The following CELF4 variants were observed in gnomAD, a reference collection of about 807,000 sequenced individuals.
CELF4 encodes CUGBP Elav-like family member 4.
Under a neutral mutation model 59.9 loss-of-function variants are expected in CELF4, and 18 were observed. The observed-to-expected ratio is 0.30, with a 90% CI of 0.21 to 0.45. CELF4 has a LOEUF of 0.45. Ranked by LOEUF, CELF4 falls within the 20% of genes least tolerant of loss-of-function variation. The pLI, the probability that CELF4 is intolerant of heterozygous loss-of-function variation, is 1.00. For synonymous variants in CELF4, 261 were observed against 267.1 expected (o/e 0.98, Z 0.22); for missense variants, 456 against 689.0 (o/e 0.66, Z 3.79).
At chr18:37,551,879 C>G (rs977111173) in intron 1 of CELF4, among the ~76,000 whole-genome samples, 1 of 152,102 alleles carries the variant, frequency 6.6e-6, no homozygotes, top group Admixed American at 6.5e-5. Flanking sequence ...GCCAGGCTGG[C>G]GGCAGGTCCA....
chr18:37,403,709 C>T (rs762096456), intron 2 of CELF4, among the ~76,000 whole-genome samples: 13 of 152,146 alleles, frequency 8.5e-5, no homozygotes, highest in African/African-American at 2.7e-4. Flanking sequence ...TGCAGAAGGG[C>T]GGCCCTAGGC....
At chr18:37,284,019 C>CCA (rs2094480658) in intron 3 of CELF4, among the ~76,000 whole-genome samples, 4 of 2,094 alleles carry the variant, frequency 1.9e-3, no homozygotes, top group African/African-American at 5.2e-3. Context: ...TCAACATGCA[C>CCA]ACACACCCAA....
intron 2 of CELF4, among the ~76,000 whole-genome samples, chr18:37,367,204 G>C (rs1037818976): frequency 6.6e-6 from 1 of 152,172 alleles, no homozygotes; most frequent in Non-Finnish European, 1.5e-5. Context: ...TGGTGATGGT[G>C]GTGGTGGCTA....
intron 2 of CELF4, among the ~76,000 whole-genome samples, chr18:37,391,491 C>A (rs1408635494): frequency 6.6e-6 from 1 of 152,198 alleles, no homozygotes; most frequent in Non-Finnish European, 1.5e-5. Flanking sequence ...TGTGGTCGAA[C>A]AGTCTTTGTG....
chr18:37,449,275 C>T (rs1415218062), intron 2 of CELF4, among the ~76,000 whole-genome samples: 1 of 152,108 alleles, frequency 6.6e-6, no homozygotes, highest in Non-Finnish European at 1.5e-5. Flanking sequence ...GATGGGGAAG[C>T]ATGGGTTGCC....
intron 2 of CELF4, among the ~76,000 whole-genome samples, chr18:37,434,687 C>A (rs1162097063): frequency 6.6e-6 from 1 of 152,158 alleles, no homozygotes; most frequent in African/African-American, 2.4e-5. Flanking sequence ...ACAGCAGCCA[C>A]TCTGTTGATG....
chr18:37,549,113 C>T (rs1557339), intron 1 of CELF4, among the ~76,000 whole-genome samples: 1 of 152,122 alleles, frequency 6.6e-6, no homozygotes, highest in Non-Finnish European at 1.5e-5. Context: ...GACTACCCTT[C>T]TCCCAAACAG....
chr18:37,313,767 C>A (rs575202039), intron 3 of CELF4, among the ~76,000 whole-genome samples: 1 of 152,314 alleles, frequency 6.6e-6, no homozygotes, highest in South Asian at 2.1e-4. Flanking sequence ...CCGCAGGAAC[C>A]GATAGGGCTA....
chr18:37,373,935 G>A (rs893642176), intron 2 of CELF4, among the ~76,000 whole-genome samples: 15 of 152,244 alleles, frequency 9.9e-5, no homozygotes, highest in Admixed American at 3.9e-4. Context: ...CTGGCTCAAA[G>A]ATGTGCTTTA....
chr18:37,554,072 G>T (rs966396002), intron 1 of CELF4, among the ~76,000 whole-genome samples: 5 of 152,224 alleles, frequency 3.3e-5, no homozygotes, highest in Non-Finnish European at 7.3e-5. Context: ...TGTGGCTGAG[G>T]AGGGGAGAGG....
At chr18:37,366,731 G>A (rs986755137) in intron 2 of CELF4, among the ~76,000 whole-genome samples, 4 of 152,166 alleles carry the variant, frequency 2.6e-5, no homozygotes, top group Non-Finnish European at 5.9e-5. Context: ...GGCTTGGAGA[G>A]GGTAAGTAGC....
At chr18:37,314,930 G>T in intron 3 of CELF4, among the ~76,000 whole-genome samples, 1 of 152,116 alleles carries the variant, frequency 6.6e-6, no homozygotes, top group Non-Finnish European at 1.5e-5. Context: ...TCCAGCCCGG[G>T]CCTCACTTGC....
At chr18:37,264,139 C>T (rs72900317) in intron 10 of CELF4, among the ~76,000 whole-genome samples, 14,164 of 152,234 alleles carry the variant, frequency 0.093, 882 homozygotes, top group Middle Eastern at 0.15. Flanking sequence ...CAGTGGTAGG[C>T]CCTCCAGTGA....
intron 2 of CELF4, among the ~76,000 whole-genome samples, chr18:37,449,761 T>A (rs2099757984): frequency 6.6e-6 from 1 of 152,216 alleles, no homozygotes; most frequent in Non-Finnish European, 1.5e-5. Flanking sequence ...CAAGTGAGCA[T>A]CTGAGAGCAG....
At chr18:37,369,272 G>C (rs2098829111) in intron 2 of CELF4, among the ~76,000 whole-genome samples, 1 of 152,120 alleles carries the variant, frequency 6.6e-6, no homozygotes, top group Non-Finnish European at 1.5e-5. Context: ...CGGGAGGCTG[G>C]GCTCTCTCTC....
At chr18:37,352,956 T>A (rs781405392) in intron 2 of CELF4, among the ~76,000 whole-genome samples, 197 of 152,154 alleles carry the variant, frequency 1.3e-3, no homozygotes, top group Non-Finnish European at 2.0e-3. Flanking sequence ...GCGCGGTAGC[T>A]CACGCCTGTA....
chr18:37,329,795 C>CA (rs1406620169), intron 2 of CELF4, among the ~76,000 whole-genome samples: 5 of 152,240 alleles, frequency 3.3e-5, no homozygotes, highest in Non-Finnish European at 4.4e-5. Flanking sequence ...ATGGAGACTG[C>CA]AGAGCACGAA....
chr18:37,274,304 C>T lies in CELF4; in HGVS notation c.801+7G>A, dbSNP rs143810394. On this transcript the variant is annotated splice_region_variant and intron_variant, in intron 6 of 12. Transcript: ENST00000420428. Reference sequence around the variant, plus strand: ...GAGAACCGCTGCCCGTGCGCGCTGCCACTTACTGCCTGAGCGTAGGCGCCG... The same window carrying T: ...GAGAACCGCTGCCCGTGCGCGCTGCTACTTACTGCCTGAGCGTAGGCGCCG... 23,773 of 1,611,006 alleles carry T rather than the reference C, an allele frequency of 0.015. 266 individuals are homozygous for T. The highest frequency in any genetic ancestry group is 0.026 in the Middle Eastern group (153 of 5,906).
chr18:37,490,096 C>T (rs2099896131), intron 1 of CELF4, among the ~76,000 whole-genome samples: 1 of 152,192 alleles, frequency 6.6e-6, no homozygotes, highest in South Asian at 2.1e-4. Flanking sequence ...AAAAGACCCT[C>T]AATGTACCAG....
Sources: gnomAD v4.1 joint callset for allele counts (sites outside exome capture counted in the v4.1 genomes callset) on GRCh38, gnomAD v4.1.1 for gene constraint, MANE v1.5 for transcripts, NCBI Gene and HGNC (gene_info 2026-07-23, HGNC 2026-07-21) for gene names.